The following FGD4 variants were observed in gnomAD, a reference collection of about 807,000 sequenced individuals.
The protein encoded by FGD4 is FYVE, RhoGEF and PH domain containing 4.
FGD4 carries 42 observed loss-of-function variants against 102.0 expected under a neutral mutation model. The observed-to-expected ratio is 0.41, with a 90% CI of 0.32 to 0.53. FGD4 has a LOEUF of 0.53. Ranked by LOEUF, FGD4 falls within the 20% of genes least tolerant of loss-of-function variation. The probability of loss-of-function intolerance (pLI) is 0.21; values close to 1 mark genes in which losing one functional copy is unlikely to be tolerated. For missense variants in FGD4, 902 were observed against 1,078.2 expected (o/e 0.84, Z 2.29); for synonymous variants, 380 against 375.7 (o/e 1.01, Z -0.13).
chr12:32,474,108 A>G (rs2136528143), intron 1 of FGD4, among the ~76,000 whole-genome samples: 1 of 152,062 alleles, frequency 6.6e-6, no homozygotes, highest in Non-Finnish European at 1.5e-5. Context: ...AACAAAAAGT[A>G]TTCGGGGCTG....
In FGD4 at chr12:32,641,520, G is replaced by A. The variant is rs1482456590; in HGVS notation, c.*987G>A. ...CATTTTGGTCACTGGGACAGTCAAA[G>A]TCATACAGGTTATTTTACCGTTTAC... On this transcript the variant is annotated 3_prime_UTR_variant, in exon 17 of 17. Coordinates refer to ENST00000534526, the MANE Select transcript of FGD4 (RefSeq NM_001370298.3). 6.6e-6 allele frequency: 1 copy of A among 152,156 alleles called. No individual in the cohort carries two copies. Among genetic ancestry groups the A allele is most frequent in the African/African-American group, 2.4e-5 (1 of 41,444 alleles). 9.4% of individuals were successfully genotyped at this position (152,156 alleles called of 1,614,324 possible).
At chr12:32,438,865 C>G (rs866757984) in intron 1 of FGD4, among the ~76,000 whole-genome samples, 3 of 152,102 alleles carry the variant, frequency 2.0e-5, no homozygotes, top group African/African-American at 7.2e-5. Context: ...GCCTTGGCCT[C>G]CCAAAGTGCT....
intron 1 of FGD4, chr12:32,485,737 C>A: frequency 1.6e-6 from 1 of 639,732 alleles, no homozygotes; most frequent in Non-Finnish European, 1.9e-6. Context: ...AGCCACTGCG[C>A]CTGACCAAGA....
chr12:32,600,589 TTTC>T (rs1428903455), intron 5 of FGD4: 71 of 333,844 alleles, frequency 2.1e-4, no homozygotes, highest in South Asian at 2.9e-4. Flanking sequence ...TCTTTCTTTC[TTTC>T]TTTTTTTTTT....
At position 32,624,981 on chromosome 12, in the gene FGD4, TC is replaced by T; in HGVS notation, c.1960del (p.Gln654LysfsTer33). On this transcript the variant is annotated frameshift_variant, in exon 13 of 17. Transcript: ENST00000534526. LOFTEE classifies it high-confidence loss of function. ...GAATTTTACTTATACTTTAGGCCCT[TC>T]AAGAAACCATCGATGCTTTTCATCA... ...QDKEEWIKAL[Q>X]ETIDAFHQRH... 6.2e-7 allele frequency: 1 copy of T among 1,613,106 alleles called. No homozygotes were observed. The highest frequency in any genetic ancestry group is 8.5e-7 in the Non-Finnish European group (1 of 1,179,338).
At chr12:32,448,131 C>A (rs1004256476) in intron 1 of FGD4, among the ~76,000 whole-genome samples, 1 of 152,188 alleles carries the variant, frequency 6.6e-6, no homozygotes, top group Non-Finnish European at 1.5e-5. Flanking sequence ...TCTTGGATGC[C>A]CTCACTTGCT....
intron 1 of FGD4, among the ~76,000 whole-genome samples, chr12:32,550,548 G>T (rs1024832459): frequency 6.6e-6 from 1 of 151,268 alleles, no homozygotes; most frequent in African/African-American, 2.4e-5. Context: ...TGGTGCACCT[G>T]CCGTCCTAGC....
intron 5 of FGD4, chr12:32,600,486 A>G (rs1592361369): frequency 2.4e-6 from 3 of 1,270,890 alleles, no homozygotes; most frequent in East Asian, 5.7e-5. Context: ...TTCTGCCTAC[A>G]TGTAACAGAA....
chr12:32,598,214 A>C (rs1269400692), intron 4 of FGD4, among the ~76,000 whole-genome samples: 2 of 152,240 alleles, frequency 1.3e-5, no homozygotes, highest in African/African-American at 4.8e-5. Context: ...ATGAAGAAAG[A>C]TAATGCTAGG....
chr12:32,584,354 G>C (rs1388632352), intron 4 of FGD4, among the ~76,000 whole-genome samples: 3 of 152,190 alleles, frequency 2.0e-5, no homozygotes, highest in Non-Finnish European at 1.5e-5. Flanking sequence ...CATCTCAGTA[G>C]TGTTAAGATG....
At chr12:32,537,767 A>G (rs1352726020) in intron 1 of FGD4, among the ~76,000 whole-genome samples, 1 of 152,108 alleles carries the variant, frequency 6.6e-6, no homozygotes, top group Admixed American at 6.5e-5. Context: ...CTTCATGTCT[A>G]CTCAGCTAGC....
intron 1 of FGD4, among the ~76,000 whole-genome samples, chr12:32,532,498 T>A (rs1941897816): frequency 6.6e-6 from 1 of 152,162 alleles, no homozygotes. Flanking sequence ...ATTATTACCC[T>A]GCAATAAGGA....
At chr12:32,615,880 G>T (rs1301114791) in intron 10 of FGD4, among the ~76,000 whole-genome samples, 3 of 152,116 alleles carry the variant, frequency 2.0e-5, no homozygotes, top group Admixed American at 2.0e-4. Context: ...TAGTGTCCCA[G>T]AGAGTAAGTG....
chr12:32,548,980 C>G (rs902221810), intron 1 of FGD4, among the ~76,000 whole-genome samples: 1 of 152,168 alleles, frequency 6.6e-6, no homozygotes, highest in Non-Finnish European at 1.5e-5. Flanking sequence ...ACGTAGCTGT[C>G]AGGAATGTGG....
intron 3 of FGD4, among the ~76,000 whole-genome samples, chr12:32,579,956 G>A (rs1028831690): frequency 3.9e-5 from 6 of 152,170 alleles, no homozygotes; most frequent in Non-Finnish European, 8.8e-5. Context: ...GAGCAAAGGT[G>A]ACACATCTCA....
intron 1 of FGD4, among the ~76,000 whole-genome samples, chr12:32,508,615 A>G (rs1013539607): frequency 1.3e-5 from 2 of 152,240 alleles, no homozygotes; most frequent in African/African-American, 4.8e-5. Context: ...TGTTAAGTCC[A>G]ACACTGCATG....
Position 32,639,794 on chromosome 12 carries a change from T to G in FGD4, c.2455-482T>G, listed in dbSNP as rs761335717. Reference sequence around the variant, plus strand: ...GTCTATAAATTAAGGGCTGGTAAAATTATTTTATTTTGAAAATAGACTGAA... The same window carrying G: ...GTCTATAAATTAAGGGCTGGTAAAAGTATTTTATTTTGAAAATAGACTGAA... On this transcript the variant is annotated intron_variant, in intron 16 of 16. Transcript: ENST00000534526. 3.2e-4 allele frequency among the ~76,000 whole-genome samples: 49 copies of G among 152,194 alleles called. 1 individual carries two copies. The highest frequency in any genetic ancestry group is 5.6e-4 in the Non-Finnish European group (38 of 68,042).
intron 1 of FGD4, among the ~76,000 whole-genome samples, chr12:32,402,179 C>T (rs1591832867): frequency 7.0e-6 from 1 of 143,640 alleles, no homozygotes; most frequent in African/African-American, 2.6e-5. Flanking sequence ...CGGGGGCTCA[C>T]GCCTGTAATC....
chr12:32,565,073 A>G (rs771724280), intron 2 of FGD4, among the ~76,000 whole-genome samples: 3 of 152,234 alleles, frequency 2.0e-5, no homozygotes, highest in Admixed American at 6.5e-5. Context: ...GAATTACTAC[A>G]GTTGGGAAAA....
Sources: allele counts gnomAD v4.1 joint callset (sites outside exome capture counted in the v4.1 genomes callset), GRCh38; gene constraint gnomAD v4.1.1; transcripts MANE v1.5; gene names NCBI Gene and HGNC (gene_info 2026-07-23, HGNC 2026-07-21).